NR3C1: variants seen among roughly 807,000 people sequenced by gnomAD.
NR3C1 encodes nuclear receptor subfamily 3 group C member 1, also known as glucocorticoid receptor.
A neutral mutation model predicts 74.0 loss-of-function variants in NR3C1; 14 were observed. The ratio of observed to expected loss-of-function variants is 0.19; its 90% CI spans 0.12 to 0.30. NR3C1 has a LOEUF of 0.30. Among genes scored for constraint, NR3C1 ranks in the 10% least tolerant of loss-of-function variants. NR3C1 has a pLI of 1.00. For synonymous variants in NR3C1, 308 were observed against 332.5 expected (o/e 0.93, Z 0.80); for missense variants, 695 against 909.8 (o/e 0.76, Z 3.04).
chr5:143,434,577 T>C, exon 1 of NR3C1: 5 of 985,464 alleles, frequency 5.1e-6, no homozygotes, highest in Non-Finnish European at 6.0e-6. Context: ...CTTTGTTCTT[T>C]GAGGAAAGGA....
rs189394676 is a variant in NR3C1, at chr5:143,427,820, T to C, written c.-14+6712A>G. Reference sequence around the variant, plus strand: ...TCTCTACCACTCACTAGCATTGTGATCTTATAAGTTTAGAACCTCTGACTT... The same window carrying C: ...TCTCTACCACTCACTAGCATTGTGACCTTATAAGTTTAGAACCTCTGACTT... On this transcript the variant is annotated intron_variant, in intron 1 of 8. Coordinates refer to the NR3C1 transcript ENST00000343796. 5.7e-3 allele frequency among the ~76,000 whole-genome samples: 869 copies of C among 152,326 alleles called. 6 individuals are homozygous for C. Among genetic ancestry groups the C allele is most frequent in the South Asian group, 0.021 (100 of 4,826 alleles).
intron 4 of NR3C1, among the ~76,000 whole-genome samples, chr5:143,304,492 A>G (rs565984266): frequency 1.3e-5 from 2 of 152,282 alleles, no homozygotes; most frequent in East Asian, 3.9e-4. Flanking sequence ...ACCCAAAGCA[A>G]TTTATAGATT....
chr5:143,341,426 CAA>C (rs1353569982), intron 2 of NR3C1, among the ~76,000 whole-genome samples: 3 of 152,076 alleles, frequency 2.0e-5, no homozygotes, highest in Non-Finnish European at 2.9e-5. Flanking sequence ...GAGCTGAAAA[CAA>C]AAGTCAGTCA....
At chr5:143,311,988 A>C (rs1358622335) in intron 3 of NR3C1, among the ~76,000 whole-genome samples, 2 of 151,958 alleles carry the variant, frequency 1.3e-5, no homozygotes, top group Non-Finnish European at 2.9e-5. Context: ...CTGATAAGAC[A>C]ATGAGATATC....
chr5:143,336,688 C>T (rs1827181177), intron 2 of NR3C1, among the ~76,000 whole-genome samples: 1 of 151,944 alleles, frequency 6.6e-6, no homozygotes, highest in Non-Finnish European at 1.5e-5. Context: ...AAAAAATATC[C>T]AGGCCAGGCG....
At chr5:143,390,746 T>C (rs563919347) in intron 2 of NR3C1, among the ~76,000 whole-genome samples, 1 of 152,304 alleles carries the variant, frequency 6.6e-6, no homozygotes, top group South Asian at 2.1e-4. Context: ...ACATTTTCTG[T>C]AGAAATATCT....
chr5:143,419,525 A>G (rs68065224), intron 1 of NR3C1, among the ~76,000 whole-genome samples: 27,664 of 152,088 alleles, frequency 0.18, 2,727 homozygotes, highest in Middle Eastern at 0.35. Context: ...AAAGAGAGAA[A>G]TTTTAAAGCT....
intron 2 of NR3C1, among the ~76,000 whole-genome samples, chr5:143,327,682 C>T (rs1824941520): frequency 6.6e-6 from 1 of 152,192 alleles, no homozygotes; most frequent in Admixed American, 6.5e-5. Flanking sequence ...GGCCACAGGC[C>T]CCATGAAATC....
chr5:143,391,961 T>A (rs1838306956), intron 2 of NR3C1, among the ~76,000 whole-genome samples: 1 of 152,040 alleles, frequency 6.6e-6, no homozygotes, highest in South Asian at 2.1e-4. Context: ...TTAATTTTCT[T>A]TTCTTTTTTT....
chr5:143,347,263 T>C (rs1489721217), intron 2 of NR3C1, among the ~76,000 whole-genome samples: 2 of 152,182 alleles, frequency 1.3e-5, no homozygotes, highest in Non-Finnish European at 2.9e-5. Context: ...TCTGTAACAT[T>C]TTTATAAGTT....
chr5:143,380,594 C>CCCAAGTTAAGGTAA (rs1836009571), intron 2 of NR3C1, among the ~76,000 whole-genome samples: 1 of 150,880 alleles, frequency 6.6e-6, no homozygotes, highest in Admixed American at 6.6e-5. Context: ...TTACCTTAAC[C>CCCAAGTTAAGGTAA]CCAAGTTCCT....
intron 2 of NR3C1, among the ~76,000 whole-genome samples, chr5:143,324,074 T>A (rs1357203225): frequency 6.6e-6 from 1 of 152,146 alleles, no homozygotes; most frequent in Admixed American, 6.5e-5. Flanking sequence ...AGGTACATGG[T>A]GCAAGTTGTT....
intron 6 of NR3C1, among the ~76,000 whole-genome samples, chr5:143,298,060 C>T (rs1817692573): frequency 1.3e-5 from 2 of 152,144 alleles, no homozygotes; most frequent in Non-Finnish European, 1.5e-5. Flanking sequence ...AGTGAGGAAA[C>T]AACTGCAATG....
At position 143,281,855 on chromosome 5, in the gene NR3C1, A is replaced by G. The variant is rs1554281434; in HGVS notation, c.*34T>C. 29 of 1,600,402 alleles carry G rather than the reference A, an allele frequency of 1.8e-5. No individual in the cohort carries two copies. The East Asian group carries it at 6.3e-4, about 35-fold the overall frequency. On this transcript the variant is annotated 3_prime_UTR_variant, in exon 9 of 9. Coordinates refer to ENST00000394464, the MANE Select transcript of NR3C1 (RefSeq NM_000176.3). ...TTATACAATAAAAGCTATTAATTCG[A>G]CTTTCTTTAAGGCAACCATTCTTAT...
chr5:143,294,604 C>T (rs1816734663), intron 7 of NR3C1, among the ~76,000 whole-genome samples: 1 of 152,148 alleles, frequency 6.6e-6, no homozygotes, highest in African/African-American at 2.4e-5. Context: ...GAAGTATTTT[C>T]ACTGCCCTAA....
At chr5:143,403,904 GCCCCGCCCGGTGCGCCGCGCTTCGCC>G (rs1840834479), upstream of NR3C1, 3 of 982,090 alleles carry the variant, frequency 3.1e-6, no homozygotes, top group Admixed American at 6.2e-5. Context: ...TGGCGTGGCC[GCCCCGCCCGGTGCGCCGCGCTTCGCC>G]CCCCGCCCCC....
At chr5:143,395,073 A>T (rs923713365) in intron 2 of NR3C1, among the ~76,000 whole-genome samples, 1 of 151,954 alleles carries the variant, frequency 6.6e-6, no homozygotes, top group Non-Finnish European at 1.5e-5. Context: ...ACTGCAATAA[A>T]ATTCTATTTC....
intron 4 of NR3C1, among the ~76,000 whole-genome samples, chr5:143,302,539 GA>G (rs1361606400): frequency 6.6e-6 from 1 of 151,986 alleles, no homozygotes; most frequent in Admixed American, 6.5e-5. Flanking sequence ...AAATGGTTTG[GA>G]ATGCATATTT....
At chr5:143,337,523 T>C (rs1175229607) in intron 2 of NR3C1, among the ~76,000 whole-genome samples, 4 of 152,202 alleles carry the variant, frequency 2.6e-5, no homozygotes, top group African/African-American at 9.6e-5. Context: ...CAGTAAAATG[T>C]GTAAGAATGT....
Sources: gnomAD v4.1 joint callset for allele counts (sites outside exome capture counted in the v4.1 genomes callset) on GRCh38, gnomAD v4.1.1 for gene constraint, MANE v1.5 for transcripts, NCBI Gene and HGNC (gene_info 2026-07-23, HGNC 2026-07-21) for gene names.